CNTN5: variants seen among roughly 807,000 people sequenced by gnomAD.
The protein encoded by CNTN5 is contactin-5.
CNTN5 carries 77 observed loss-of-function variants against 129.1 expected under a neutral mutation model. That is an observed-to-expected ratio of 0.60 (90% CI 0.50 to 0.72). CNTN5 has a LOEUF of 0.72. CNTN5 is among the 30% of genes least tolerant of loss of function. The pLI, the probability that CNTN5 is intolerant of heterozygous loss-of-function variation, is 0.00. For synonymous variants in CNTN5, 509 were observed against 465.6 expected, an observed-to-expected ratio of 1.09 and a Z score of -1.20; for missense variants, 1,478 against 1,328.8, an observed-to-expected ratio of 1.11 and a Z score of -1.75.
intron 2 of CNTN5, among the ~76,000 whole-genome samples, chr11:99,388,982 C>CTTATTTATTTTATTTTATTTTATT (rs1941081985): frequency 8.3e-6 from 1 of 120,380 alleles, no homozygotes; most frequent in East Asian, 2.7e-4. Flanking sequence ...TTCTCCAGTC[C>CTTATTTATTTTATTTTATTTTATT]TTATTTTATT....
At chr11:100,110,396 A>G (rs1945612789) in intron 13 of CNTN5, among the ~76,000 whole-genome samples, 1 of 151,992 alleles carries the variant, frequency 6.6e-6, no homozygotes, top group Non-Finnish European at 1.5e-5. Context: ...ATTCTATCCA[A>G]GTTGATATTT....
At chr11:99,798,590 A>G (rs2135469780) in intron 3 of CNTN5, among the ~76,000 whole-genome samples, 1 of 152,004 alleles carries the variant, frequency 6.6e-6, no homozygotes, top group Middle Eastern at 3.4e-3. Flanking sequence ...ATTTGGTGTT[A>G]TTTCTGGGCT....
chr11:100,210,792 C>T (rs924625134), intron 15 of CNTN5, among the ~76,000 whole-genome samples: 2 of 152,114 alleles, frequency 1.3e-5, no homozygotes, highest in African/African-American at 4.8e-5. Context: ...AATGTGTATG[C>T]AGTCATGATG....
In CNTN5 at chr11:99,088,014, G is replaced by A. The variant is rs1591170643; in HGVS notation, c.-210+66744G>A. ...TATCCCTAAATTTTATCTTGCACTAGGCTCCACAAAATATATGTGGCTAAT... is the reference window on the plus strand; with the variant it reads ...TATCCCTAAATTTTATCTTGCACTAAGCTCCACAAAATATATGTGGCTAAT... On this transcript the variant is annotated intron_variant, in intron 1 of 24. Transcript: ENST00000524871. Among the ~76,000 whole-genome samples the A allele has an allele frequency of 2.0e-5, 3 of 152,188 alleles. No homozygotes were observed. The South Asian group carries it at 6.2e-4, about 32-fold the overall frequency.
chr11:99,090,559 A>C (rs567822769), intron 1 of CNTN5, among the ~76,000 whole-genome samples: 141 of 152,254 alleles, frequency 9.3e-4, no homozygotes, highest in Non-Finnish European at 1.7e-3. Flanking sequence ...AAAATCCACA[A>C]ATCCCTTATA....
chr11:99,790,475 A>G (rs1235782839), intron 3 of CNTN5, among the ~76,000 whole-genome samples: 1 of 152,104 alleles, frequency 6.6e-6, no homozygotes, highest in Non-Finnish European at 1.5e-5. Flanking sequence ...CTCCAGCTCC[A>G]TCCACATTGC....
intron 6 of CNTN5, among the ~76,000 whole-genome samples, chr11:99,869,111 C>T (rs767782956): frequency 2.0e-5 from 3 of 152,058 alleles, no homozygotes; most frequent in Non-Finnish European, 2.9e-5. Flanking sequence ...CTCGTTTTAC[C>T]TAATAAAACA....
At chr11:100,337,036 G>A in intron 21 of CNTN5, 1 of 936,254 alleles carries the variant, frequency 1.1e-6, no homozygotes, top group Non-Finnish European at 1.8e-6. Context: ...TTTGATTGAT[G>A]AAGTGTTCAA....
At chr11:100,142,271 A>G (rs1946718717) in intron 13 of CNTN5, among the ~76,000 whole-genome samples, 1 of 152,196 alleles carries the variant, frequency 6.6e-6, no homozygotes, top group East Asian at 1.9e-4. Context: ...TAATGGCATA[A>G]GCCAATTCTC....
At chr11:99,330,654 GC>G (rs1232020143) in intron 2 of CNTN5, among the ~76,000 whole-genome samples, 1 of 152,046 alleles carries the variant, frequency 6.6e-6, no homozygotes, top group Non-Finnish European at 1.5e-5. Flanking sequence ...AAGAGAAGCA[GC>G]CACAGTGGCC....
At chr11:99,794,055 T>G (rs1945847073) in intron 3 of CNTN5, among the ~76,000 whole-genome samples, 1 of 152,188 alleles carries the variant, frequency 6.6e-6, no homozygotes, top group Admixed American at 6.5e-5. Context: ...TCTGCATCTC[T>G]CCATAGGTCT....
intron 2 of CNTN5, among the ~76,000 whole-genome samples, chr11:99,541,778 G>A (rs1034988199): frequency 3.3e-5 from 5 of 151,856 alleles, no homozygotes; most frequent in African/African-American, 9.7e-5. Context: ...GTGAAATCTC[G>A]TCTCTATGGA....
At chr11:100,186,328 C>G (rs899631662) in intron 13 of CNTN5, among the ~76,000 whole-genome samples, 1 of 152,098 alleles carries the variant, frequency 6.6e-6, no homozygotes, top group Non-Finnish European at 1.5e-5. Flanking sequence ...TGAGCCATGA[C>G]TGTACCACTG....
intron 1 of CNTN5, among the ~76,000 whole-genome samples, chr11:99,084,581 C>T (rs942187322): frequency 2.6e-5 from 4 of 151,888 alleles, no homozygotes; most frequent in African/African-American, 9.7e-5. Flanking sequence ...TAAATTTATC[C>T]CTGTTTTCTT....
chr11:100,341,377 T>C (rs1952158751), intron 23 of CNTN5, among the ~76,000 whole-genome samples, 172 bp downstream of exon 23: 1 of 152,142 alleles, frequency 6.6e-6, no homozygotes, highest in African/African-American at 2.4e-5. Flanking sequence ...GCCAAGGCAG[T>C]CAAAATTAGT....
intron 1 of CNTN5, among the ~76,000 whole-genome samples, chr11:99,189,077 T>C (rs1337744806): frequency 2.0e-5 from 3 of 151,694 alleles, no homozygotes; most frequent in Non-Finnish European, 4.4e-5. Flanking sequence ...ATAAGTGAAA[T>C]CAAGTGGTAT....
At chr11:100,119,788 G>C (rs968785701) in intron 13 of CNTN5, among the ~76,000 whole-genome samples, 16 of 151,766 alleles carry the variant, frequency 1.1e-4, no homozygotes, top group African/African-American at 3.6e-4. Flanking sequence ...TCTGAGTCAG[G>C]CTAGATGATA....
intron 2 of CNTN5, among the ~76,000 whole-genome samples, chr11:99,477,677 C>T (rs2726365): frequency 6.6e-6 from 1 of 151,370 alleles, no homozygotes; most frequent in African/African-American, 2.4e-5. Context: ...GGGCCGGGTG[C>T]AGTGGCTCAC....
chr11:100,034,528 C>T (rs892765568), intron 9 of CNTN5, among the ~76,000 whole-genome samples: 3 of 152,184 alleles, frequency 2.0e-5, no homozygotes, highest in South Asian at 2.1e-4. Context: ...TCTAACCTTG[C>T]TTATTTTCAG....
Sources: allele counts gnomAD v4.1 joint callset (sites outside exome capture counted in the v4.1 genomes callset), GRCh38; gene constraint gnomAD v4.1.1; transcripts MANE v1.5; gene names NCBI Gene and HGNC (gene_info 2026-07-23, HGNC 2026-07-21).